OPCML: variants seen among roughly 807,000 people sequenced by gnomAD.
The protein encoded by OPCML is opioid-binding protein/cell adhesion molecule.
OPCML carries 13 observed loss-of-function variants against 37.8 expected under a neutral mutation model. The ratio of observed to expected loss-of-function variants is 0.34; its 90% CI spans 0.22 to 0.55. The LOEUF (loss-of-function observed/expected upper bound fraction) is 0.55. OPCML is among the 20% of genes least tolerant of loss of function. The pLI, the probability that OPCML is intolerant of heterozygous loss-of-function variation, is 0.91. For missense variants in OPCML, 341 were observed against 435.6 expected, an observed-to-expected ratio of 0.78 and a Z score of 1.93; for synonymous variants, 176 against 168.8, an observed-to-expected ratio of 1.04 and a Z score of -0.33.
chr11:133,138,010 A>G (rs1565465910), intron 1 of OPCML, among the ~76,000 whole-genome samples: 1 of 152,176 alleles, frequency 6.6e-6, no homozygotes, highest in Non-Finnish European at 1.5e-5. Context: ...TCAGGTTAAA[A>G]TTTGATTCCC....
chr11:133,216,969 A>C (rs1186082654), intron 1 of OPCML, among the ~76,000 whole-genome samples: 24 of 152,226 alleles, frequency 1.6e-4, no homozygotes, highest in Admixed American at 1.6e-3. Flanking sequence ...GATTGCCATA[A>C]ATACTGGGTG....
At chr11:132,638,883 G>A (rs2135716194) in intron 3 of OPCML, among the ~76,000 whole-genome samples, 1 of 152,252 alleles carries the variant, frequency 6.6e-6, no homozygotes, top group Non-Finnish European at 1.5e-5. Flanking sequence ...CCAGTTCTTT[G>A]CTGTGGCCAG....
Position 133,400,155 on chromosome 11 carries a change from C to T in OPCML, c.61+132109G>A, listed in dbSNP as rs563107821. Among the ~76,000 whole-genome samples the T allele has an allele frequency of 5.3e-5, 8 of 152,264 alleles. No homozygotes were observed. The East Asian group carries it at 1.5e-3, about 29-fold the overall frequency. ...TTCCGACCCAGAAGTTCCAAATGCC[C>T]AGCAGGAGGGAAATAATGTCTTCTA... On this transcript the variant is annotated intron_variant, in intron 1 of 7. Transcript: ENST00000524381.
intron 3 of OPCML, among the ~76,000 whole-genome samples, chr11:132,587,027 A>C (rs546597259): frequency 7.9e-5 from 12 of 152,220 alleles, no homozygotes; most frequent in Non-Finnish European, 1.8e-4. Context: ...AGAAGTTGGC[A>C]GCCTTTGTTG....
At chr11:133,122,508 C>G (rs191425980) in intron 1 of OPCML, among the ~76,000 whole-genome samples, 87 of 152,224 alleles carry the variant, frequency 5.7e-4, no homozygotes, top group African/African-American at 2.0e-3. Flanking sequence ...TTCTGGTTGA[C>G]GGTTCTCACA....
intron 1 of OPCML, among the ~76,000 whole-genome samples, chr11:133,294,815 C>CTGTTTT (rs1942583547): frequency 3.5e-5 from 2 of 56,554 alleles, no homozygotes; most frequent in Admixed American, 1.8e-4. Flanking sequence ...TTCTTTCTTT[C>CTGTTTT]TTTTTTTTTT....
chr11:133,058,604 T>TCAGGG (rs1401309641), intron 1 of OPCML, among the ~76,000 whole-genome samples: 1 of 152,136 alleles, frequency 6.6e-6, no homozygotes, highest in East Asian at 1.9e-4. Context: ...CCCGCTCCCA[T>TCAGGG]CAGGGCAGCT....
chr11:133,046,944 T>C (rs1234481686), intron 1 of OPCML, among the ~76,000 whole-genome samples: 8 of 110,922 alleles, frequency 7.2e-5, no homozygotes, highest in East Asian at 2.4e-4. Context: ...TTTTTAACTT[T>C]ACAATTTTTT....
chr11:132,855,270 G>T (rs550201825), intron 2 of OPCML, among the ~76,000 whole-genome samples: 1 of 152,062 alleles, frequency 6.6e-6, no homozygotes, highest in Non-Finnish European at 1.5e-5. Flanking sequence ...GACTCAATGC[G>T]CAAGGGCCAT....
chr11:132,944,616 T>C (rs1261941686), intron 1 of OPCML, among the ~76,000 whole-genome samples: 1 of 152,180 alleles, frequency 6.6e-6, no homozygotes, highest in African/African-American at 2.4e-5. Context: ...CACCAGATCC[T>C]AAAAAGTAGT....
intron 2 of OPCML, among the ~76,000 whole-genome samples, chr11:132,782,925 A>ATATATATATATATATATG (rs535375141): frequency 0.019 from 2,778 of 144,580 alleles, 40 homozygotes; most frequent in Non-Finnish European, 0.03. Context: ...GTGTATATAT[A>ATATATATATATATATATG]TATATATATA....
At chr11:133,078,177 C>G (rs989958229) in intron 1 of OPCML, among the ~76,000 whole-genome samples, 1 of 152,094 alleles carries the variant, frequency 6.6e-6, no homozygotes, top group African/African-American at 2.4e-5. Context: ...GCACACCAAG[C>G]AGGGGTGTGG....
intron 1 of OPCML, among the ~76,000 whole-genome samples, chr11:133,131,851 A>G (rs1459986984): frequency 6.6e-6 from 1 of 152,194 alleles, no homozygotes; most frequent in Non-Finnish European, 1.5e-5. Context: ...TGTTAAAGCA[A>G]TTCAGTGGAG....
chr11:132,971,815 A>G (rs1368826736), intron 1 of OPCML, among the ~76,000 whole-genome samples: 2 of 152,100 alleles, frequency 1.3e-5, no homozygotes, highest in Non-Finnish European at 2.9e-5. Context: ...TGGCTTTATT[A>G]TCTACTCCCA....
intron 4 of OPCML, among the ~76,000 whole-genome samples, chr11:132,442,148 G>A (rs1489327094): frequency 6.6e-6 from 1 of 152,192 alleles, no homozygotes; most frequent in East Asian, 1.9e-4. Context: ...ACCTTGCATA[G>A]TCTGCAATCT....
Position 132,741,988 on chromosome 11 carries a change from C to T in OPCML, c.147-84669G>A, listed in dbSNP as rs186592183. ...AGGTTGTGGTGAGCCAAGATTGCAC[C>T]GTTGTACTCCAGCCTGGGCAACAAG... On this transcript the variant is annotated intron_variant, in intron 2 of 7. Coordinates refer to ENST00000524381, the MANE Select transcript of OPCML (RefSeq NM_001012393.5). Among the ~76,000 whole-genome samples, 302 of 151,318 alleles carry T rather than the reference C, an allele frequency of 2.0e-3. 1 individual carries two copies. Among genetic ancestry groups the T allele is most frequent in the Middle Eastern group, 0.014 (4 of 290 alleles).
At chr11:133,387,868 G>T (rs1418085679) in intron 1 of OPCML, among the ~76,000 whole-genome samples, 1 of 152,156 alleles carries the variant, frequency 6.6e-6, no homozygotes, top group Admixed American at 6.5e-5. Flanking sequence ...TGCCTCTCAA[G>T]GTTACTTCGG....
At chr11:132,502,509 C>T (rs1344489366) in intron 4 of OPCML, among the ~76,000 whole-genome samples, 4 of 152,158 alleles carry the variant, frequency 2.6e-5, no homozygotes, top group South Asian at 2.1e-4. Context: ...TTGCACCCTT[C>T]CTGGTTGCTT....
At chr11:133,110,416 A>T (rs118111179) in intron 1 of OPCML, among the ~76,000 whole-genome samples, 530 of 152,204 alleles carry the variant, frequency 3.5e-3, no homozygotes, top group Non-Finnish European at 5.8e-3. Flanking sequence ...TGAACTTGGG[A>T]ACTTGCTTGT....
Sources: gnomAD v4.1 joint callset for allele counts (sites outside exome capture counted in the v4.1 genomes callset) on GRCh38, gnomAD v4.1.1 for gene constraint, MANE v1.5 for transcripts, NCBI Gene and HGNC (gene_info 2026-07-23, HGNC 2026-07-21) for gene names.